The following MIPEP variants were observed in gnomAD, a reference collection of about 807,000 sequenced individuals.
MIPEP encodes mitochondrial intermediate peptidase.
In MIPEP, 79 loss-of-function variants were observed where a neutral mutation model predicts 90.3. The observed-to-expected ratio is 0.87, with a 90% CI of 0.73 to 1.05. MIPEP has a LOEUF of 1.05. MIPEP is among the 50% of genes least tolerant of loss of function. The pLI is 0.00. For missense variants in MIPEP, 940 were observed against 905.6 expected, an observed-to-expected ratio of 1.04 and a Z score of -0.49; for synonymous variants, 334 against 315.8, an observed-to-expected ratio of 1.06 and a Z score of -0.61.
rs150930599 is a variant in MIPEP at position 23,864,256 on chromosome 13, T to G, written c.944-67A>C. The stretch of plus-strand genomic sequence containing the variant: ...ATAAAATGAACATATCTGTTAAAAT[T>G]ATTATGTGATGATCATAATCTATAT... On this transcript the variant is annotated intron_variant, in intron 7 of 18. Coordinates refer to ENST00000382172, the MANE Select transcript of MIPEP (RefSeq NM_005932.4). 500 of 1,084,962 alleles carry G rather than the reference T, an allele frequency of 4.6e-4. 4 individuals are homozygous for G. The East Asian group carries it at 0.012, about 26-fold the overall frequency. The allele number at this position is 1,084,962 out of a possible 1,614,324, so 67.2% of individuals were successfully genotyped here.
intron 14 of MIPEP, among the ~76,000 whole-genome samples, chr13:23,831,987 A>G (rs1280561482): frequency 3.3e-5 from 5 of 152,146 alleles, no homozygotes; most frequent in Non-Finnish European, 5.9e-5. Context: ...TTGGGGAGAG[A>G]GCACACTATG....
chr13:23,879,918 A>T (rs906202560), intron 3 of MIPEP, among the ~76,000 whole-genome samples: 1 of 152,162 alleles, frequency 6.6e-6, no homozygotes, highest in South Asian at 2.1e-4. Flanking sequence ...TCCAGAGAGC[A>T]AAGGGCCCAA....
intron 18 of MIPEP, among the ~76,000 whole-genome samples, chr13:23,750,714 T>C (rs901299583): frequency 6.6e-6 from 1 of 152,236 alleles, no homozygotes; most frequent in Admixed American, 6.5e-5. Context: ...GGGGAGTATG[T>C]ACATAAATTA....
At chr13:23,782,937 C>A (rs1438558273) in intron 16 of MIPEP, among the ~76,000 whole-genome samples, 1 of 152,198 alleles carries the variant, frequency 6.6e-6, no homozygotes, top group African/African-American at 2.4e-5. Flanking sequence ...AGACCAATAA[C>A]AGGCTCTGAA....
intron 10 of MIPEP, among the ~76,000 whole-genome samples, chr13:23,847,708 A>G (rs912893111): frequency 6.6e-6 from 1 of 152,172 alleles, no homozygotes. Context: ...CTGTCACAGA[A>G]GGGTAATTAT....
intron 10 of MIPEP, among the ~76,000 whole-genome samples, chr13:23,850,577 A>T (rs1247506462): frequency 6.6e-6 from 1 of 152,236 alleles, no homozygotes; most frequent in African/African-American, 2.4e-5. Flanking sequence ...CAGAAATCAA[A>T]GCTAAAGAAA....
At chr13:23,745,340 G>T (rs531726436) in intron 18 of MIPEP, among the ~76,000 whole-genome samples, 22 of 152,136 alleles carry the variant, frequency 1.4e-4, no homozygotes, top group African/African-American at 5.3e-4. Context: ...AGTTGAAAAA[G>T]ACATAAACAA....
At chr13:23,831,743 ACAT>A (rs1349762637) in intron 14 of MIPEP, among the ~76,000 whole-genome samples, 1 of 152,128 alleles carries the variant, frequency 6.6e-6, no homozygotes, top group Non-Finnish European at 1.5e-5. Context: ...GGACCTAATC[ACAT>A]CTCAAATGCA....
At chr13:23,787,456 G>A (rs1212836386) in intron 16 of MIPEP, among the ~76,000 whole-genome samples, 1 of 151,988 alleles carries the variant, frequency 6.6e-6, no homozygotes, top group African/African-American at 2.4e-5. Flanking sequence ...CACAGCAGGA[G>A]TGCACATGCT....
At chr13:23,761,572 A>ATACTGCTC in intron 16 of MIPEP, among the ~76,000 whole-genome samples, 1 of 152,322 alleles carries the variant, frequency 6.6e-6, no homozygotes, top group South Asian at 2.1e-4. Context: ...TTTCCTACGA[A>ATACTGCTC]TACTGCTCTT....
intron 14 of MIPEP, among the ~76,000 whole-genome samples, 175 bp from the exon 15 acceptor site, chr13:23,810,099 C>T (rs1304877698): frequency 6.6e-6 from 1 of 152,118 alleles, no homozygotes; most frequent in East Asian, 1.9e-4. Flanking sequence ...TGAATAAAGA[C>T]ATTCTGTTTA....
intron 16 of MIPEP, among the ~76,000 whole-genome samples, chr13:23,800,246 T>C (rs6490825): frequency 0.99 from 151,232 of 152,336 alleles, 75,088 homozygotes; most frequent in Middle Eastern, 1. Flanking sequence ...CAGAGCTTTC[T>C]GGACACGACT....
chr13:23,782,063 A>C (rs1952788677), intron 16 of MIPEP, among the ~76,000 whole-genome samples: 1 of 152,174 alleles, frequency 6.6e-6, no homozygotes, highest in South Asian at 2.1e-4. Flanking sequence ...GAAAGTTAAC[A>C]AGGATATCCA....
chr13:23,835,576 C>T (rs1025777728), intron 14 of MIPEP, among the ~76,000 whole-genome samples: 3 of 152,042 alleles, frequency 2.0e-5, no homozygotes, highest in South Asian at 4.1e-4. Context: ...AAAACATCAC[C>T]TCACGTAATA....
At chr13:23,798,302 A>C (rs1182385762) in intron 16 of MIPEP, among the ~76,000 whole-genome samples, 1 of 152,216 alleles carries the variant, frequency 6.6e-6, no homozygotes, top group Non-Finnish European at 1.5e-5. Context: ...TACACATAGA[A>C]AATTATACTT....
At chr13:23,752,118 T>A (rs1159887183) in intron 18 of MIPEP, among the ~76,000 whole-genome samples, 2 of 152,076 alleles carry the variant, frequency 1.3e-5, no homozygotes, top group Non-Finnish European at 2.9e-5. Flanking sequence ...ATAGGGACAA[T>A]ATGACCTGTG....
intron 17 of MIPEP, 120 bp from the exon 18 acceptor site, chr13:23,756,738 A>G (rs1952494700): frequency 1.1e-6 from 1 of 891,320 alleles, no homozygotes. Flanking sequence ...CCATGTGACA[A>G]TTTGGCCCCT....
chr13:23,803,748 T>A (rs537886713), intron 16 of MIPEP, among the ~76,000 whole-genome samples: 1 of 152,324 alleles, frequency 6.6e-6, no homozygotes, highest in South Asian at 2.1e-4. Flanking sequence ...CAACTTGATG[T>A]CGGGAATGTT....
At chr13:23,793,289 G>T (rs779860028) in intron 16 of MIPEP, among the ~76,000 whole-genome samples, 27 of 152,176 alleles carry the variant, frequency 1.8e-4, no homozygotes, top group Non-Finnish European at 3.7e-4. Flanking sequence ...CAAGACAGTG[G>T]ATCTCACAGA....
Sources: allele counts gnomAD v4.1 joint callset (sites outside exome capture counted in the v4.1 genomes callset), GRCh38; gene constraint gnomAD v4.1.1; transcripts MANE v1.5; gene names NCBI Gene and HGNC (gene_info 2026-07-23, HGNC 2026-07-21).